GRID1: variants seen among roughly 807,000 people sequenced by gnomAD.
The protein encoded by GRID1 is glutamate ionotropic receptor delta type subunit 1, also known as glutamate receptor ionotropic, delta-1.
A neutral mutation model predicts 98.0 loss-of-function variants in GRID1; 28 were observed. The observed-to-expected ratio is 0.29, with a 90% CI of 0.21 to 0.39. The LOEUF is 0.39. Among genes scored for constraint, GRID1 ranks in the 10% least tolerant of loss-of-function variants. GRID1 has a pLI of 1.00. For synonymous variants in GRID1, 553 were observed against 538.5 expected, an observed-to-expected ratio of 1.03 and a Z score of -0.37; for missense variants, 1,111 against 1,340.5, an observed-to-expected ratio of 0.83 and a Z score of 2.67.
At chr10:85,705,838 T>G (rs1841510031) in intron 12 of GRID1, among the ~76,000 whole-genome samples, 1 of 152,172 alleles carries the variant, frequency 6.6e-6, no homozygotes. Flanking sequence ...ATCCAGCATA[T>G]AAACAGAACC....
At chr10:85,940,219 A>AT (rs754618837) in intron 4 of GRID1, among the ~76,000 whole-genome samples, 2 of 152,142 alleles carry the variant, frequency 1.3e-5, no homozygotes, top group Non-Finnish European at 2.9e-5. Flanking sequence ...TTGATGGGAC[A>AT]TGCCTCTCCA....
intron 8 of GRID1, among the ~76,000 whole-genome samples, chr10:85,767,309 C>A (rs1291018601): frequency 6.6e-6 from 1 of 152,170 alleles, no homozygotes; most frequent in Non-Finnish European, 1.5e-5. Flanking sequence ...CACCCCCAAT[C>A]CTATCCCCAA....
At chr10:86,244,216 C>G (rs1846685205) in intron 2 of GRID1, among the ~76,000 whole-genome samples, 1 of 152,164 alleles carries the variant, frequency 6.6e-6, no homozygotes, top group South Asian at 2.1e-4. Context: ...AAACCCTTAG[C>G]AAGGTCAGTA....
chr10:86,088,206 T>TA, intron 4 of GRID1, among the ~76,000 whole-genome samples: 1 of 152,218 alleles, frequency 6.6e-6, no homozygotes. Context: ...CTTACATCTT[T>TA]AATAATTCTC....
chr10:86,043,032 C>A (rs1045991634), intron 4 of GRID1, among the ~76,000 whole-genome samples: 1 of 151,678 alleles, frequency 6.6e-6, no homozygotes, highest in Non-Finnish European at 1.5e-5. Flanking sequence ...CAGCAGCGAG[C>A]CGAGATCAAT....
chr10:85,816,102 G>A (rs1042846552), intron 8 of GRID1, among the ~76,000 whole-genome samples: 2 of 152,048 alleles, frequency 1.3e-5, no homozygotes. Flanking sequence ...CAGCCACTTT[G>A]ATAAAAAGTT....
At chr10:85,829,043 G>T (rs148507256) in intron 8 of GRID1, among the ~76,000 whole-genome samples, 2 of 152,050 alleles carry the variant, frequency 1.3e-5, no homozygotes, top group Admixed American at 6.6e-5. Flanking sequence ...GATGAACATA[G>T]ATGCAAAAAT....
chr10:85,924,169 CA>C (rs1161248558), intron 4 of GRID1, among the ~76,000 whole-genome samples: 1 of 152,152 alleles, frequency 6.6e-6, no homozygotes, highest in African/African-American at 2.4e-5. Context: ...GGAGCATAAA[CA>C]GAAACCTTAC....
Position 85,651,170 on chromosome 10 carries a change from C to T in GRID1, c.1998-3773G>A, listed in dbSNP as rs116078527. On this transcript the variant is annotated intron_variant, in intron 12 of 15. Coordinates refer to ENST00000327946, the MANE Select transcript of GRID1 (RefSeq NM_017551.3). ...GAAGCCTTAGATTTCATAACTCATA[C>T]CCAACTCACAGGGTTGTTGAAGATT... is the stretch of plus-strand genomic sequence containing the variant. Among the ~76,000 whole-genome samples, 112 of 152,322 alleles carry T rather than the reference C, an allele frequency of 7.4e-4. 1 individual carries two copies. Among genetic ancestry groups the T allele is most frequent in the African/African-American group, 2.7e-3 (111 of 41,574 alleles).
chr10:85,770,754 G>C (rs1008648655), intron 8 of GRID1, among the ~76,000 whole-genome samples: 1 of 152,176 alleles, frequency 6.6e-6, no homozygotes, highest in African/African-American at 2.4e-5. Context: ...ATGAAATGAA[G>C]TGAGAAGGGA....
intron 5 of GRID1, among the ~76,000 whole-genome samples, chr10:85,896,124 T>C (rs939478254): frequency 3.3e-5 from 5 of 152,204 alleles, no homozygotes; most frequent in Admixed American, 2.0e-4. Context: ...TTGAATCTGT[T>C]CATTCATTCA....
chr10:85,685,368 T>C (rs576811086), intron 12 of GRID1, among the ~76,000 whole-genome samples: 2 of 152,332 alleles, frequency 1.3e-5, no homozygotes, highest in African/African-American at 2.4e-5. Context: ...AAGGTGTCTA[T>C]ATCTTTACAG....
chr10:86,232,607 G>A (rs1846474398), intron 2 of GRID1, among the ~76,000 whole-genome samples: 1 of 152,212 alleles, frequency 6.6e-6, no homozygotes, highest in Admixed American at 6.5e-5. Flanking sequence ...TTAGTAAAGG[G>A]AAGTAGAGAA....
At chr10:86,164,311 A>T (rs1054645913) in intron 3 of GRID1, among the ~76,000 whole-genome samples, 3 of 152,210 alleles carry the variant, frequency 2.0e-5, no homozygotes, top group Non-Finnish European at 4.4e-5. Flanking sequence ...GAGGTGAGCA[A>T]GATTCCCAGG....
At chr10:86,222,165 C>A (rs540604651) in intron 2 of GRID1, among the ~76,000 whole-genome samples, 3 of 152,184 alleles carry the variant, frequency 2.0e-5, no homozygotes, top group Non-Finnish European at 2.9e-5. Context: ...AGAGGGGGGG[C>A]CACCCATTTG....
chr10:85,754,963 T>C (rs1842081789), intron 8 of GRID1, among the ~76,000 whole-genome samples: 1 of 152,236 alleles, frequency 6.6e-6, no homozygotes, highest in Non-Finnish European at 1.5e-5. Context: ...ACAATTTTTC[T>C]TAAAGAGCTT....
chr10:86,090,514 A>G (rs953793379), intron 4 of GRID1, among the ~76,000 whole-genome samples: 2 of 151,950 alleles, frequency 1.3e-5, no homozygotes, highest in African/African-American at 4.8e-5. Context: ...AGCCTCAGGA[A>G]CCTGTGAGAC....
intron 2 of GRID1, among the ~76,000 whole-genome samples, chr10:86,302,554 T>C (rs1847704594): frequency 6.6e-6 from 1 of 152,144 alleles, no homozygotes; most frequent in African/African-American, 2.4e-5. Flanking sequence ...GATATGATGA[T>C]ATTTGAAACA....
intron 8 of GRID1, among the ~76,000 whole-genome samples, chr10:85,759,907 G>A (rs1842131731): frequency 6.6e-6 from 1 of 152,100 alleles, no homozygotes; most frequent in African/African-American, 2.4e-5. Context: ...CACCTCTGAG[G>A]GCATCCTGCC....
Sources: allele counts gnomAD v4.1 joint callset (sites outside exome capture counted in the v4.1 genomes callset), GRCh38; gene constraint gnomAD v4.1.1; transcripts MANE v1.5; gene names NCBI Gene and HGNC (gene_info 2026-07-23, HGNC 2026-07-21).